ACYP2: variants seen among roughly 807,000 people sequenced by gnomAD.
ACYP2 encodes acylphosphatase 2.
A neutral mutation model predicts 11.2 loss-of-function variants in ACYP2; 12 were observed. The observed-to-expected ratio is 1.08, with a 90% confidence interval of 0.69 to 1.74. The LOEUF (loss-of-function observed/expected upper bound fraction) is 1.74, where lower values mean the gene tolerates loss of function less well. Among genes scored for constraint, ACYP2 ranks in the 40% most tolerant of loss-of-function variants. The pLI is 0.00. For synonymous variants in ACYP2, 43 were observed against 32.2 expected (o/e 1.33, Z -1.13); for missense variants, 134 against 101.9 (o/e 1.31, Z -1.35).
chr2:54,275,187 TTTTC>T (rs1688495476), intron 6 of ACYP2, among the ~76,000 whole-genome samples: 2 of 152,260 alleles, frequency 1.3e-5, no homozygotes, highest in African/African-American at 4.8e-5. Flanking sequence ...TTGAGGCTGC[TTTTC>T]TTTATTTATT....
At chr2:54,179,826 C>T (rs1001550547) in intron 6 of ACYP2, among the ~76,000 whole-genome samples, 13 of 152,226 alleles carry the variant, frequency 8.5e-5, no homozygotes, top group Admixed American at 5.9e-4. Context: ...TCTTAACTGT[C>T]GGGGAATGCA....
chr2:54,296,091 G>C (rs552069040), intron 6 of ACYP2, among the ~76,000 whole-genome samples: 1 of 152,184 alleles, frequency 6.6e-6, no homozygotes, highest in African/African-American at 2.4e-5. Flanking sequence ...TTTGCATTCT[G>C]TTGTGGAGGA....
chr2:54,201,763 A>G (rs2103911406), intron 6 of ACYP2, among the ~76,000 whole-genome samples: 1 of 149,448 alleles, frequency 6.7e-6, no homozygotes, highest in African/African-American at 2.5e-5. Context: ...AGGCTGGAGT[A>G]CAGTGGCACA....
intron 4 of ACYP2, among the ~76,000 whole-genome samples, chr2:54,128,380 T>A (rs1680672295): frequency 6.6e-6 from 1 of 152,190 alleles, no homozygotes; most frequent in Non-Finnish European, 1.5e-5. Context: ...ATTCCATTTT[T>A]TTTTTGGCTG....
chr2:54,080,635 C>T (rs1051677535), intron 4 of ACYP2, among the ~76,000 whole-genome samples: 1 of 152,076 alleles, frequency 6.6e-6, no homozygotes, highest in South Asian at 2.1e-4. Context: ...ATTACAGGCA[C>T]CTGCCACCAT....
At chr2:54,051,740 AAAG>A in intron 3 of ACYP2, 1 of 555,720 alleles carries the variant, frequency 1.8e-6, no homozygotes, top group Non-Finnish European at 3.3e-6. Flanking sequence ...AAGGCTGAAA[AAAG>A]CAAGAAAAAG....
At chr2:54,270,254 G>A (rs1232868107) in intron 6 of ACYP2, among the ~76,000 whole-genome samples, 1 of 151,768 alleles carries the variant, frequency 6.6e-6, no homozygotes, top group Non-Finnish European at 1.5e-5. Context: ...GATTTCCATT[G>A]TTGCCATAAG....
At chr2:54,181,772 T>C (rs1211183580) in intron 6 of ACYP2, among the ~76,000 whole-genome samples, 2 of 152,186 alleles carry the variant, frequency 1.3e-5, no homozygotes. Context: ...ATTATTGTTC[T>C]TATTTGGCTG....
intron 4 of ACYP2, among the ~76,000 whole-genome samples, chr2:54,127,978 T>A (rs7355635): frequency 0.052 from 7,843 of 152,246 alleles, 622 homozygotes; most frequent in African/African-American, 0.18. Context: ...TAATCTGTCA[T>A]TATGATTTGG....
At chr2:53,987,489 A>C (rs1345772344) in intron 2 of ACYP2, among the ~76,000 whole-genome samples, 3 of 152,184 alleles carry the variant, frequency 2.0e-5, no homozygotes, top group African/African-American at 7.2e-5. Flanking sequence ...TTTCTCTTGG[A>C]TAAATGCCCA....
intron 2 of ACYP2, among the ~76,000 whole-genome samples, chr2:54,030,940 C>T (rs150210556): frequency 8.7e-4 from 132 of 152,192 alleles, no homozygotes; most frequent in African/African-American, 2.9e-3. Context: ...AGATCTGTGC[C>T]AATCATTGTG....
intron 2 of ACYP2, among the ~76,000 whole-genome samples, chr2:54,047,565 AATTG>A (rs2104568116): frequency 6.6e-6 from 1 of 152,338 alleles, no homozygotes. Flanking sequence ...GCCATGAATA[AATTG>A]ATTGTATTGT....
intron 2 of ACYP2, among the ~76,000 whole-genome samples, chr2:54,046,199 G>C (rs1290801349): frequency 1.3e-5 from 2 of 150,224 alleles, no homozygotes; most frequent in Admixed American, 1.3e-4. Context: ...AAAAGGTCCA[G>C]GCGCAGTGGC....
At chr2:54,041,895 A>G (rs1265284895) in intron 2 of ACYP2, among the ~76,000 whole-genome samples, 8 of 152,088 alleles carry the variant, frequency 5.3e-5, no homozygotes, top group African/African-American at 1.2e-4. Flanking sequence ...GGCTCAAGCA[A>G]TCCTCCCGCC....
intron 6 of ACYP2, among the ~76,000 whole-genome samples, chr2:54,161,265 T>C (rs563030441): frequency 1.8e-4 from 28 of 152,214 alleles, no homozygotes; most frequent in Non-Finnish European, 3.5e-4. Flanking sequence ...GCAACTAAAT[T>C]GCCCACACCT....
chr2:54,086,580 A>T (rs1474642610), intron 4 of ACYP2, among the ~76,000 whole-genome samples: 4 of 152,238 alleles, frequency 2.6e-5, no homozygotes, highest in Admixed American at 6.5e-5. Context: ...TTTTGGTCTG[A>T]GAACCAGGTC....
At chr2:54,221,730 C>T (rs1290324023) in intron 6 of ACYP2, among the ~76,000 whole-genome samples, 6 of 151,962 alleles carry the variant, frequency 3.9e-5, no homozygotes, top group Admixed American at 3.9e-4. Context: ...CCATGTTGGC[C>T]AGGCTGGTCT....
At chr2:54,089,540 C>A (rs1188774654) in intron 4 of ACYP2, among the ~76,000 whole-genome samples, 1 of 151,530 alleles carries the variant, frequency 6.6e-6, no homozygotes, top group Non-Finnish European at 1.5e-5. Context: ...GAGTTCGAGA[C>A]CAGCCTGGGC....
chr2:54,125,677 G>C (rs375920649), intron 4 of ACYP2, among the ~76,000 whole-genome samples: 1 of 152,168 alleles, frequency 6.6e-6, no homozygotes, highest in African/African-American at 2.4e-5. Flanking sequence ...TTGAACCTGG[G>C]AGGTGGAGGT....
Sources: gnomAD v4.1 joint callset for allele counts (sites outside exome capture counted in the v4.1 genomes callset) on GRCh38, gnomAD v4.1.1 for gene constraint, MANE v1.5 for transcripts, NCBI Gene and HGNC (gene_info 2026-07-23, HGNC 2026-07-21) for gene names.